ZFYVE28: variants seen among roughly 807,000 people sequenced by gnomAD.
ZFYVE28 encodes the protein lateral signaling target protein 2 homolog.
Under a neutral mutation model 82.1 loss-of-function variants are expected in ZFYVE28, and 40 were observed. That is an observed-to-expected ratio of 0.49 (90% CI 0.38 to 0.63). The LOEUF is 0.63. ZFYVE28 is among the 30% of genes least tolerant of loss of function. The pLI is 0.00. For synonymous variants in ZFYVE28, 612 were observed against 546.1 expected (o/e 1.12, Z -1.68); for missense variants, 1,321 against 1,242.1 (o/e 1.06, Z -0.96).
At chr4:2,415,498 A>G (rs1203491899) in intron 1 of ZFYVE28, among the ~76,000 whole-genome samples, 1 of 150,724 alleles carries the variant, frequency 6.6e-6, no homozygotes, top group South Asian at 2.1e-4. Context: ...TTATAAAAAG[A>G]AGCTCGCTGT....
chr4:2,274,445 G>A (rs899366522), intron 8 of ZFYVE28, among the ~76,000 whole-genome samples: 4 of 152,094 alleles, frequency 2.6e-5, no homozygotes, highest in Non-Finnish European at 4.4e-5. Flanking sequence ...AGCCAGTCCC[G>A]GGCCTTTGAT....
chr4:2,325,368 C>T (rs1464935309), intron 6 of ZFYVE28, among the ~76,000 whole-genome samples: 1 of 152,136 alleles, frequency 6.6e-6, no homozygotes, highest in Admixed American at 6.5e-5. Context: ...ACTGCCAGTA[C>T]AGGCAACTAA....
chr4:2,315,098 A>T (rs1380428791), intron 7 of ZFYVE28, among the ~76,000 whole-genome samples: 1 of 151,648 alleles, frequency 6.6e-6, no homozygotes, highest in East Asian at 2.0e-4. Flanking sequence ...CTACATTTCC[A>T]TCTGATACAA....
In ZFYVE28 at chr4:2,332,910, G is replaced by A. The variant is rs1302101371; in HGVS notation, c.701+2795C>T. Among the ~76,000 whole-genome samples, 2 of 152,114 alleles carry A rather than the reference G, an allele frequency of 1.3e-5. No individual in the cohort carries two copies. The highest frequency in any genetic ancestry group is 1.3e-4 in the Admixed American group (2 of 15,280). ...CCACAGCCTGGCTCTGTGGCTAGATGCCTGCCTCTGTGGGGGCTCACAGCT... is the reference window on the plus strand; with the variant it reads ...CCACAGCCTGGCTCTGTGGCTAGATACCTGCCTCTGTGGGGGCTCACAGCT... On this transcript the variant is annotated intron_variant, in intron 6 of 12. Transcript: ENST00000290974. The surrounding 1 kb of genome is among the most constrained non-coding windows in gnomAD (Gnocchi z 4.7).
At chr4:2,293,991 T>C (rs1034820049) in intron 8 of ZFYVE28, among the ~76,000 whole-genome samples, 1 of 151,788 alleles carries the variant, frequency 6.6e-6, no homozygotes, top group Non-Finnish European at 1.5e-5. Context: ...ACTATGTTTA[T>C]GAACCAGAAC....
At position 2,362,858 on chromosome 4, in the gene ZFYVE28, G is replaced by A. The variant is rs936518374; in HGVS notation, c.40-8785C>T. Among the ~76,000 whole-genome samples, 1 of 152,060 alleles carries A rather than the reference G, an allele frequency of 6.6e-6. No individual in the cohort carries two copies. The highest frequency in any genetic ancestry group is 2.0e-4 in the East Asian group (1 of 5,124). On this transcript the variant is annotated intron_variant, in intron 1 of 12. Coordinates refer to ENST00000290974, the MANE Select transcript of ZFYVE28 (RefSeq NM_020972.3). The surrounding 1 kb of genome is among the most constrained non-coding windows in gnomAD (Gnocchi z 5.1). The stretch of plus-strand genomic sequence containing the variant: ...AGCAGGAGGCCTGGCAGGGAGTGAG[G>A]ATGGGACGGTCCTGCTCACTTCCTG...
chr4:2,381,203 T>C (rs1728699601), intron 1 of ZFYVE28, among the ~76,000 whole-genome samples: 1 of 152,204 alleles, frequency 6.6e-6, no homozygotes, highest in African/African-American at 2.4e-5. Context: ...TGTTATGTTT[T>C]AGCGAAGAGA....
At chr4:2,338,625 A>T (rs574311326) in intron 4 of ZFYVE28, among the ~76,000 whole-genome samples, 1 of 151,978 alleles carries the variant, frequency 6.6e-6, no homozygotes, top group Non-Finnish European at 1.5e-5. Flanking sequence ...TAAATCACTA[A>T]CTCTAATTTT....
At chr4:2,308,371 T>G (rs967174862) in intron 7 of ZFYVE28, among the ~76,000 whole-genome samples, 3 of 151,894 alleles carry the variant, frequency 2.0e-5, no homozygotes, top group African/African-American at 7.3e-5. Flanking sequence ...ACAGCAGCAC[T>G]ATTTGTGGAA....
chr4:2,335,844 C>T lies in ZFYVE28; in HGVS notation c.612-50G>A. On this transcript the variant is annotated intron_variant, in intron 5 of 12. Coordinates refer to ENST00000290974, the MANE Select transcript of ZFYVE28 (RefSeq NM_020972.3). The surrounding 1 kb of genome is among the most constrained non-coding windows in gnomAD (Gnocchi z 5.8). ...CAGCATGAGGGCTGGCCCACCACAGCCACAGGTTGGACCCCAGCAGGGACA... is the reference window on the plus strand; with the variant it reads ...CAGCATGAGGGCTGGCCCACCACAGTCACAGGTTGGACCCCAGCAGGGACA... 3 of 1,497,572 alleles carry T rather than the reference C, an allele frequency of 2.0e-6. No individual in the cohort carries two copies. In the South Asian group the frequency reaches 3.6e-5, roughly 18 times the overall value. The allele number at this position is 1,497,572 out of a possible 1,614,324, so 92.8% of individuals were successfully genotyped here.
intron 2 of ZFYVE28, among the ~76,000 whole-genome samples, chr4:2,346,769 G>C (rs1236512319): frequency 6.6e-6 from 1 of 151,516 alleles, no homozygotes; most frequent in Non-Finnish European, 1.5e-5. Flanking sequence ...AGCCAACAAA[G>C]GAGACAAAGC....
rs1401251412 is a variant in ZFYVE28 at position 2,332,441 on chromosome 4, G to A, written c.701+3264C>T. On this transcript the variant is annotated intron_variant, in intron 6 of 12. Coordinates refer to ENST00000290974, the MANE Select transcript of ZFYVE28 (RefSeq NM_020972.3). This position sits in a 1 kb window ranked among gnomAD's most constrained non-coding sequence, Gnocchi z 4.7. ...CCCACCTCTGGGCCGGCTGCCCTGG[G>A]GAGCCTCTCCCTCACGCCTTCAGCT... Among the ~76,000 whole-genome samples the A allele has an allele frequency of 6.6e-6, 1 of 152,134 alleles. No homozygotes were observed. Among genetic ancestry groups the A allele is most frequent in the Non-Finnish European group, 1.5e-5 (1 of 68,004 alleles).
intron 1 of ZFYVE28, among the ~76,000 whole-genome samples, chr4:2,381,508 G>A (rs1393848995): frequency 1.3e-5 from 2 of 152,178 alleles, no homozygotes; most frequent in Non-Finnish European, 2.9e-5. Flanking sequence ...CCAGGTTCAA[G>A]CAATTCTCCT....
chr4:2,271,655 A>T lies in ZFYVE28; in HGVS notation c.2428+20T>A, dbSNP rs765124545. ...CACTGGTGTCTAGTGCAGTGTCCTG[A>T]CCCAGAGCCTCCCACACACCTTCAA... On this transcript the variant is annotated intron_variant, in intron 11 of 12. Coordinates refer to ENST00000290974, the MANE Select transcript of ZFYVE28 (RefSeq NM_020972.3). The T allele has an allele frequency of 1.2e-6, 2 of 1,611,632 alleles. No homozygotes were observed. The highest frequency in any genetic ancestry group is 2.2e-5 in the East Asian group (1 of 44,850).
chr4:2,386,316 C>G (rs1489190478), intron 1 of ZFYVE28, among the ~76,000 whole-genome samples: 1 of 152,212 alleles, frequency 6.6e-6, no homozygotes, highest in Non-Finnish European at 1.5e-5. Flanking sequence ...GAAACCTCCT[C>G]TCTACCAAAA....
rs267600129 is a variant in ZFYVE28 at position 2,304,652 on chromosome 4, G to A, written c.1688C>T (p.Ser563Phe). The A allele has an allele frequency of 6.2e-7, 1 of 1,612,676 alleles. No homozygotes were observed. Among genetic ancestry groups the A allele is most frequent in the Non-Finnish European group, 8.5e-7 (1 of 1,179,902 alleles). Residue 563 changes from serine to phenylalanine, a missense_variant, in exon 8 of 13, where the codon TCC becomes TTC. Ser to Phe is a radical substitution (Grantham distance 155). Coordinates refer to ENST00000290974, the MANE Select transcript of ZFYVE28 (RefSeq NM_020972.3). ...CCCGCAGCTCCCACAGCACACGCAG[G>A]AATGCAGAAGGCAGTTGGTGGCCCC... ...STGATNCLLH[S>F]CVCCGSCGDS...
chr4:2,388,682 G>C (rs1006826735), intron 1 of ZFYVE28, among the ~76,000 whole-genome samples: 1 of 152,068 alleles, frequency 6.6e-6, no homozygotes, highest in Non-Finnish European at 1.5e-5. Flanking sequence ...TGCTGCTCTC[G>C]ATGTTCACTG....
In ZFYVE28 at chr4:2,305,156, T is replaced by C. The variant is rs1392443689; in HGVS notation, c.1184A>G (p.Asp395Gly). ...PGRPRLRSGS[D>G]EEERVFFMDD... Reference sequence around the variant, plus strand: ...CATGAAGAACACGCGCTCCTCCTCGTCACTGCCTGACCGCAGGCGCGGTCT... The same window carrying C: ...CATGAAGAACACGCGCTCCTCCTCGCCACTGCCTGACCGCAGGCGCGGTCT... The change falls in exon 8 of 13, where the codon GAC becomes GGC. Residue 395 changes from aspartate (D) to glycine (G), a missense_variant. Coordinates refer to ENST00000290974, the MANE Select transcript of ZFYVE28 (RefSeq NM_020972.3). The C allele has an allele frequency of 1.9e-6, 3 of 1,590,612 alleles. No homozygotes were observed. The highest frequency in any genetic ancestry group is 2.7e-5 in the African/African-American group (2 of 74,688).
intron 6 of ZFYVE28, among the ~76,000 whole-genome samples, chr4:2,333,121 C>T (rs1387745246): frequency 2.6e-5 from 4 of 151,880 alleles, no homozygotes; most frequent in Admixed American, 1.3e-4. Context: ...AGGGGACCCG[C>T]GGGACAAAGC....
Sources: allele counts gnomAD v4.1 joint callset (sites outside exome capture counted in the v4.1 genomes callset), GRCh38; gene constraint gnomAD v4.1.1; non-coding constraint Gnocchi (gnomAD v3.1); transcripts MANE v1.5; gene names NCBI Gene and HGNC (gene_info 2026-07-23, HGNC 2026-07-21).